RUFY3: variants seen among roughly 807,000 people sequenced by gnomAD.
RUFY3 encodes RUN and FYVE domain containing 3.
A neutral mutation model predicts 84.0 loss-of-function variants in RUFY3; 34 were observed. The ratio of observed to expected loss-of-function variants is 0.40; its 90% CI spans 0.31 to 0.54. The LOEUF is 0.54. Ranked by LOEUF, RUFY3 falls within the 20% of genes least tolerant of loss-of-function variation. RUFY3 has a pLI of 0.39. For missense variants in RUFY3, 507 were observed against 736.8 expected (o/e 0.69, Z 3.61); for synonymous variants, 242 against 252.9 (o/e 0.96, Z 0.41).
chr4:70,791,300 A>G, intron 12 of RUFY3: 1 of 1,613,100 alleles, frequency 6.2e-7, no homozygotes, highest in East Asian at 2.2e-5. Context: ...ATCATTAGGC[A>G]TTTTTAAGTT....
intron 3 of RUFY3, among the ~76,000 whole-genome samples, chr4:70,764,154 G>A (rs1725455068): frequency 6.6e-6 from 1 of 152,162 alleles, no homozygotes; most frequent in Non-Finnish European, 1.5e-5. Flanking sequence ...TCATGCTTTG[G>A]ACATTTATAT....
exon 1 of RUFY3, chr4:70,705,050 G>C (rs746874233): frequency 8.0e-7 from 1 of 1,250,210 alleles, no homozygotes; most frequent in Non-Finnish European, 1.0e-6. Flanking sequence ...CCGGGGGCAC[G>C]GACCGAGAGG....
chr4:70,763,109 C>A (rs981598045), intron 2 of RUFY3, among the ~76,000 whole-genome samples: 3 of 152,138 alleles, frequency 2.0e-5, no homozygotes, highest in African/African-American at 4.8e-5. Flanking sequence ...TGGTCTTGTT[C>A]ACCCTTGTTT....
At chr4:70,705,545 C>T (rs1050705194) in intron 1 of RUFY3, among the ~76,000 whole-genome samples, 1 of 152,298 alleles carries the variant, frequency 6.6e-6, no homozygotes, top group South Asian at 2.1e-4. Flanking sequence ...CCTGCCTGGC[C>T]TGGTCTCTCT....
At chr4:70,772,777 C>T (rs1190553061) in intron 5 of RUFY3, among the ~76,000 whole-genome samples, 1 of 152,124 alleles carries the variant, frequency 6.6e-6, no homozygotes, top group African/African-American at 2.4e-5. Context: ...TCTCCTGCCT[C>T]AGCCTCCCGA....
intron 2 of RUFY3, among the ~76,000 whole-genome samples, 182 bp downstream of exon 2, chr4:70,762,874 T>C (rs1725265437): frequency 6.6e-6 from 1 of 152,200 alleles, no homozygotes; most frequent in Admixed American, 6.5e-5. Flanking sequence ...TATAGGGCTT[T>C]AAAAATACAG....
Position 70,800,179 on chromosome 4 carries a change from A to G in RUFY3, c.1596A>G (p.Leu532=). The G allele has an allele frequency of 1.9e-6, 3 of 1,606,524 alleles. No individual in the cohort carries two copies. The highest frequency in any genetic ancestry group is 2.5e-6 in the Non-Finnish European group (3 of 1,178,044). The change falls in exon 15 of 18, where the codon CTA becomes CTG. Residue 532 remains leucine (L), a synonymous_variant. Coordinates refer to ENST00000381006, the MANE Select transcript of RUFY3 (RefSeq NM_001037442.4). Reference sequence around the variant, plus strand: ...AAATGCAAGAGGAAAATGTTAAACTAAAAAAGCCCCTGGAAGAAAGCCACA... The same window carrying G: ...AAATGCAAGAGGAAAATGTTAAACTGAAAAAGCCCCTGGAAGAAAGCCACA... The part of the protein sequence containing the change: ...KHKMQEENVK[L]KKPLEESHRL...
Position 70,726,284 on chromosome 4 carries a change from A to G in RUFY3, c.178+3533A>G, listed in dbSNP as rs112618031. Reference sequence around the variant, plus strand: ...CTGCAGAAGCTAGGTTCCCTTTACCAGTAGGGAATATAGAAGGAAGAGAAC... The same window carrying G: ...CTGCAGAAGCTAGGTTCCCTTTACCGGTAGGGAATATAGAAGGAAGAGAAC... On this transcript the variant is annotated intron_variant, in intron 1 of 17. Coordinates refer to ENST00000381006, the MANE Select transcript of RUFY3 (RefSeq NM_001037442.4). Among the ~76,000 whole-genome samples, 412 of 152,334 alleles carry G rather than the reference A, an allele frequency of 2.7e-3. 1 individual carries two copies. The highest frequency in any genetic ancestry group is 9.5e-3 in the African/African-American group (393 of 41,584).
Position 70,768,550 on chromosome 4 carries a change from A to G in RUFY3, c.585A>G (p.Glu195=), listed in dbSNP as rs979710113. The G allele has an allele frequency of 5.0e-6, 8 of 1,613,574 alleles. No homozygotes were observed. The Middle Eastern group carries it at 5.0e-4, about 100-fold the overall frequency. ...ATTTCTCTTACAGTGAATTCTACGAACCCAATGCCCTCATGATGGAAGAAG... is the reference window on the plus strand; with the variant it reads ...ATTTCTCTTACAGTGAATTCTACGAGCCCAATGCCCTCATGATGGAAGAAG... ...NKKELLSEFY[E]PNALMMEEEG... The change falls in exon 5 of 18, where the codon GAA becomes GAG. Residue 195 remains glutamate (E), a synonymous_variant. Transcript: ENST00000381006.
intron 17 of RUFY3, among the ~76,000 whole-genome samples, chr4:70,805,474 AAC>A (rs1172393584): frequency 1.3e-5 from 2 of 152,258 alleles, no homozygotes; most frequent in African/African-American, 4.8e-5. Flanking sequence ...GAGTGTATGA[AAC>A]ACATGCTTGG....
At position 70,722,541 on chromosome 4, in the gene RUFY3, CTG is replaced by C. The variant is rs747705794; in HGVS notation, c.-23_-22del. ...TGTGTGTGTGTGAGTGTGTGTGTGT[CTG>C]TGTGTGTGTTGTGGTCCCAGCTGAG... On this transcript the variant is annotated 5_prime_UTR_variant, in exon 1 of 18. Coordinates refer to ENST00000381006, the MANE Select transcript of RUFY3 (RefSeq NM_001037442.4). The C allele has an allele frequency of 1.0e-5, 16 of 1,593,052 alleles. No individual in the cohort carries two copies. Among genetic ancestry groups the C allele is most frequent in the Middle Eastern group, 2.1e-4 (1 of 4,670 alleles).
chr4:70,713,119 G>T (rs933299644), intron 1 of RUFY3, among the ~76,000 whole-genome samples: 3 of 152,204 alleles, frequency 2.0e-5, no homozygotes, highest in Non-Finnish European at 4.4e-5. Context: ...TGCTTCCCGG[G>T]TTTAGCTGAT....
chr4:70,738,356 C>CTTTTTTTTT (rs60916183), intron 1 of RUFY3, among the ~76,000 whole-genome samples: 1 of 60,502 alleles, frequency 1.7e-5, no homozygotes, highest in African/African-American at 8.3e-5. Flanking sequence ...GGTGTTTCAT[C>CTTTTTTTTT]TTTTTTTTTT....
upstream of RUFY3, among the ~76,000 whole-genome samples, chr4:70,720,858 G>A (rs1373076192): frequency 6.7e-6 from 1 of 149,624 alleles, no homozygotes; most frequent in African/African-American, 2.5e-5. Flanking sequence ...TGCTACCAAG[G>A]TATAAATGCC....
chr4:70,736,596 A>C (rs1322671369), intron 1 of RUFY3, among the ~76,000 whole-genome samples: 1 of 149,946 alleles, frequency 6.7e-6, no homozygotes, highest in Non-Finnish European at 1.5e-5. Context: ...TCTGAGACGG[A>C]GTTTTGCTCT....
intron 13 of RUFY3, among the ~76,000 whole-genome samples, 177 bp downstream of exon 13, chr4:70,794,081 A>T (rs994983731): frequency 2.0e-5 from 3 of 152,192 alleles, no homozygotes; most frequent in Non-Finnish European, 4.4e-5. Flanking sequence ...TCCGATCAAC[A>T]TGCTTTGTGA....
chr4:70,710,247 A>G (rs1325133044), intron 1 of RUFY3, among the ~76,000 whole-genome samples: 1 of 152,226 alleles, frequency 6.6e-6, no homozygotes, highest in Non-Finnish European at 1.5e-5. Flanking sequence ...TATCATATAT[A>G]TTGCATGCAT....
chr4:70,747,628 G>A (rs990667680), intron 1 of RUFY3, among the ~76,000 whole-genome samples: 3 of 152,158 alleles, frequency 2.0e-5, no homozygotes, highest in Non-Finnish European at 4.4e-5. Context: ...ATCTCCTTGT[G>A]AAAGCATCTT....
In RUFY3 at chr4:70,756,728, G is replaced by C. The variant is rs573046737; in HGVS notation, c.179-5791G>C. 2.4e-3 allele frequency among the ~76,000 whole-genome samples: 364 copies of C among 152,200 alleles called. 1 individual carries two copies. The highest frequency in any genetic ancestry group is 7.9e-3 in the African/African-American group (329 of 41,544). On this transcript the variant is annotated intron_variant, in intron 1 of 17. Transcript: ENST00000381006. ...AATTGAAGGAAAAATAGGGAGCCAG[G>C]TCAGATACCTTTCTCCTATGCATAT...
Sources: allele counts gnomAD v4.1 joint callset (sites outside exome capture counted in the v4.1 genomes callset), GRCh38; gene constraint gnomAD v4.1.1; transcripts MANE v1.5; gene names NCBI Gene and HGNC (gene_info 2026-07-23, HGNC 2026-07-21).